The following CSGALNACT2 variants were observed in gnomAD, a reference collection of about 807,000 sequenced individuals.
The protein encoded by CSGALNACT2 is beta 4 GalNAcT-2.
A neutral mutation model predicts 55.3 loss-of-function variants in CSGALNACT2; 35 were observed. The observed-to-expected ratio is 0.63, with a 90% CI of 0.48 to 0.84. The LOEUF is 0.84. Ranked by LOEUF, CSGALNACT2 falls within the 40% of genes least tolerant of loss-of-function variation. CSGALNACT2 has a pLI of 0.00. For synonymous variants in CSGALNACT2, 196 were observed against 224.9 expected (o/e 0.87, Z 1.15); for missense variants, 544 against 657.5 (o/e 0.83, Z 1.89).
At chr10:43,152,286 A>G (rs1344601768) in intron 1 of CSGALNACT2, among the ~76,000 whole-genome samples, 1 of 152,184 alleles carries the variant, frequency 6.6e-6, no homozygotes, top group Non-Finnish European at 1.5e-5. Flanking sequence ...GTTTTCTATA[A>G]TATTCTTAAT....
chr10:43,152,820 C>T (rs781140675), intron 1 of CSGALNACT2, among the ~76,000 whole-genome samples: 1 of 151,950 alleles, frequency 6.6e-6, no homozygotes, highest in Non-Finnish European at 1.5e-5. Context: ...ATTTTCAGTT[C>T]TTTTTCCTAA....
At chr10:43,140,565 A>C (rs1838600065) in intron 1 of CSGALNACT2, among the ~76,000 whole-genome samples, 1 of 152,236 alleles carries the variant, frequency 6.6e-6, no homozygotes, top group South Asian at 2.1e-4. Context: ...CAAGTCTGTT[A>C]GAGCTGGTGA....
chr10:43,147,782 C>CTTTTTTTTTTTTTTTT (rs372639057), intron 1 of CSGALNACT2, among the ~76,000 whole-genome samples: 1 of 108,118 alleles, frequency 9.2e-6, no homozygotes, highest in East Asian at 3.2e-4. Context: ...GTCGAGTTAT[C>CTTTTTTTTTTTTTTTT]TTTTTTTTTT....
chr10:43,162,640 T>C (rs1022796664), intron 4 of CSGALNACT2: 68 of 985,304 alleles, frequency 6.9e-5, no homozygotes, highest in South Asian at 9.4e-5. Flanking sequence ...TTCTGTACTG[T>C]TGTAAGTGTA....
intron 7 of CSGALNACT2, among the ~76,000 whole-genome samples, 187 bp from the exon 8 acceptor site, chr10:43,183,063 T>C (rs117504429): frequency 1.2e-3 from 186 of 152,214 alleles, no homozygotes; most frequent in Middle Eastern, 3.4e-3. Flanking sequence ...GCTCCTTGAG[T>C]CCAAGTGTCA....
At chr10:43,167,309 T>A (rs190422385) in intron 6 of CSGALNACT2, among the ~76,000 whole-genome samples, 3 of 151,952 alleles carry the variant, frequency 2.0e-5, no homozygotes, top group East Asian at 1.9e-4. Flanking sequence ...GAATTAAGTG[T>A]AGGGGGAGCA....
intron 6 of CSGALNACT2, 93 bp from the exon 7 acceptor site, chr10:43,175,858 G>T: frequency 2.8e-6 from 3 of 1,081,662 alleles, no homozygotes; most frequent in Non-Finnish European, 2.7e-6. Context: ...CAGGAAAAAA[G>T]TATACATTAG....
At chr10:43,162,956 C>T (rs1839184141) in intron 4 of CSGALNACT2, 3 of 985,278 alleles carry the variant, frequency 3.0e-6, no homozygotes, top group Non-Finnish European at 3.6e-6. Flanking sequence ...ATGGGAGGTA[C>T]TCTTCACTCT....
intron 1 of CSGALNACT2, among the ~76,000 whole-genome samples, chr10:43,149,002 A>G (rs552790635): frequency 6.3e-4 from 96 of 152,278 alleles, no homozygotes; most frequent in Non-Finnish European, 2.5e-4. Context: ...CATTAAATAC[A>G]ATGTTAGCTA....
chr10:43,164,845 CAA>C (rs762322937), intron 5 of CSGALNACT2, among the ~76,000 whole-genome samples: 16 of 68,492 alleles, frequency 2.3e-4, no homozygotes, highest in Admixed American at 3.2e-4. Flanking sequence ...GACTCCATCT[CAA>C]AAAAAAAAAA....
chr10:43,146,991 T>TG (rs1564509590), intron 1 of CSGALNACT2, among the ~76,000 whole-genome samples: 1 of 16,996 alleles, frequency 5.9e-5, no homozygotes, highest in Non-Finnish European at 9.9e-5. Flanking sequence ...TTTTTTTTTG[T>TG]GGAGACGGGA....
chr10:43,140,693 A>C (rs1300159485), intron 1 of CSGALNACT2, among the ~76,000 whole-genome samples: 1 of 152,274 alleles, frequency 6.6e-6, no homozygotes, highest in Non-Finnish European at 1.5e-5. Context: ...TTGAAGAATC[A>C]CGGGACTGCA....
chr10:43,169,497 A>G (rs1335280705), intron 6 of CSGALNACT2, among the ~76,000 whole-genome samples: 1 of 152,262 alleles, frequency 6.6e-6, no homozygotes, highest in Admixed American at 6.5e-5. Context: ...ATATTTTTAA[A>G]ATCAGTAAAT....
intron 1 of CSGALNACT2, among the ~76,000 whole-genome samples, chr10:43,153,341 A>AAAAAAAAAAG (rs1838921874): frequency 6.6e-6 from 1 of 151,516 alleles, no homozygotes; most frequent in Non-Finnish European, 1.5e-5. Flanking sequence ...TCTCAAAAAA[A>AAAAAAAAAAG]AAAGGACTCC....
In CSGALNACT2 at chr10:43,184,487, A is replaced by AAT. The variant is rs770368904; in HGVS notation, c.*950_*951dup. The AAT allele has an allele frequency of 6.6e-6, 1 of 152,318 alleles. No individual in the cohort carries two copies. The highest frequency in any genetic ancestry group is 1.9e-4 in the East Asian group (1 of 5,184). The allele number at this position is 152,318 out of a possible 1,614,324, so 9.4% of individuals were successfully genotyped here. A position where few individuals can be genotyped will look rare whatever the true frequency, so the allele number is the denominator to read the frequency against. ...TTTACTATCCTTTTTCTAATATATT[A>AAT]ATATATGCTACATTTGTATTTGCAT... is the stretch of plus-strand genomic sequence containing the variant. On this transcript the variant is annotated 3_prime_UTR_variant, in exon 8 of 8. Coordinates refer to ENST00000374466, the MANE Select transcript of CSGALNACT2 (RefSeq NM_018590.5).
At chr10:43,162,651 A>G in intron 4 of CSGALNACT2, 13 of 985,364 alleles carry the variant, frequency 1.3e-5, no homozygotes, top group Non-Finnish European at 1.6e-5. Flanking sequence ...TGTAAGTGTA[A>G]TCCTCCTAAA....
At chr10:43,176,304 A>G (rs1250506415) in intron 7 of CSGALNACT2, among the ~76,000 whole-genome samples, 1 of 152,248 alleles carries the variant, frequency 6.6e-6, no homozygotes, top group Non-Finnish European at 1.5e-5. Flanking sequence ...CTTGTTACCC[A>G]TAGTTGCAGG....
chr10:43,180,113 C>T (rs1839561598), intron 7 of CSGALNACT2, among the ~76,000 whole-genome samples: 1 of 152,188 alleles, frequency 6.6e-6, no homozygotes, highest in African/African-American at 2.4e-5. Flanking sequence ...CAGCTGGCCA[C>T]ACCTGGAAGT....
intron 5 of CSGALNACT2, among the ~76,000 whole-genome samples, chr10:43,164,879 AT>A (rs1839228083): frequency 6.6e-6 from 1 of 151,810 alleles, no homozygotes; most frequent in Non-Finnish European, 1.5e-5. Flanking sequence ...AGAAGATGAC[AT>A]TTTTTGAAAT....
Sources: allele counts gnomAD v4.1 joint callset (sites outside exome capture counted in the v4.1 genomes callset), GRCh38; gene constraint gnomAD v4.1.1; transcripts MANE v1.5; gene names NCBI Gene and HGNC (gene_info 2026-07-23, HGNC 2026-07-21).